Variants in CYP20A1 observed in about 807,000 individuals in gnomAD.
CYP20A1 encodes cytochrome P450 family 20 subfamily A member 1.
A neutral mutation model predicts 61.4 loss-of-function variants in CYP20A1; 61 were observed. That is an observed-to-expected ratio of 0.99 (90% confidence interval 0.81 to 1.23). CYP20A1 has a LOEUF of 1.23. Ranked by LOEUF, CYP20A1 falls within the 50% of genes most tolerant of loss-of-function variation. The probability of loss-of-function intolerance (pLI) is 0.00; values close to 1 mark genes in which losing one functional copy is unlikely to be tolerated. For synonymous variants in CYP20A1, 193 were observed against 188.2 expected (o/e 1.03, Z -0.21); for missense variants, 530 against 542.4 (o/e 0.98, Z 0.23).
In CYP20A1 at chr2:203,277,955, G is replaced by C. The variant is rs535796307; in HGVS notation, c.680-618G>C. Reference sequence around the variant, plus strand: ...AAGGTGGATGATATCAGAGAAGAAAGGCTTATGTGTTTGGAGGCCTCTAAA... The same window carrying C: ...AAGGTGGATGATATCAGAGAAGAAACGCTTATGTGTTTGGAGGCCTCTAAA... On this transcript the variant is annotated intron_variant, in intron 6 of 12. Transcript: ENST00000356079. 2.1e-3 allele frequency among the ~76,000 whole-genome samples: 321 copies of C among 152,304 alleles called. 2 individuals carry two copies. Among genetic ancestry groups the C allele is most frequent in the African/African-American group, 7.2e-3 (299 of 41,572 alleles).
At chr2:203,245,958 A>G (rs956907706) in intron 2 of CYP20A1, 63 bp downstream of exon 2, 1 of 1,137,860 alleles carries the variant, frequency 8.8e-7, no homozygotes, top group East Asian at 2.5e-5. Flanking sequence ...TCAAGACTAA[A>G]CCATATTTTT....
intron 5 of CYP20A1, among the ~76,000 whole-genome samples, chr2:203,270,152 T>C (rs546371336): frequency 6.6e-6 from 1 of 152,148 alleles, no homozygotes; most frequent in South Asian, 2.1e-4. Context: ...CCCAACTGCT[T>C]GTGAGGCTGA....
intron 4 of CYP20A1, among the ~76,000 whole-genome samples, chr2:203,265,308 C>G (rs566162298): frequency 4.6e-5 from 7 of 152,228 alleles, no homozygotes; most frequent in African/African-American, 1.7e-4. Flanking sequence ...TCTGAATGTC[C>G]TTTGGAGACA....
chr2:203,275,926 C>A (rs2067801971), intron 6 of CYP20A1, among the ~76,000 whole-genome samples: 1 of 152,032 alleles, frequency 6.6e-6, no homozygotes, highest in Admixed American at 6.6e-5. Flanking sequence ...CTGAATAGTA[C>A]ATTAAAAGGT....
rs138936502 is a variant in CYP20A1, at chr2:203,289,226, T to G, written c.972-539T>G. 1.1e-4 allele frequency among the ~76,000 whole-genome samples: 16 copies of G among 152,290 alleles called. No individual in the cohort carries two copies. The East Asian group carries it at 3.1e-3, about 29-fold the overall frequency. ...CATATGTCTTCAGGCCATTTGTAAG[T>G]TTTTGTGAATTGCTTTTTGTATTCT... On this transcript the variant is annotated intron_variant, in intron 9 of 12. Coordinates refer to ENST00000356079, the MANE Select transcript of CYP20A1 (RefSeq NM_177538.3).
chr2:203,292,746 A>G (rs2152111339), intron 11 of CYP20A1, among the ~76,000 whole-genome samples: 1 of 152,098 alleles, frequency 6.6e-6, no homozygotes, highest in Admixed American at 6.5e-5. Context: ...GGCATGAACC[A>G]CCAAGCCTGA....
intron 11 of CYP20A1, among the ~76,000 whole-genome samples, chr2:203,295,839 C>T (rs1187242439): frequency 6.6e-6 from 1 of 151,972 alleles, no homozygotes; most frequent in Non-Finnish European, 1.5e-5. Flanking sequence ...GTCCCAGCTA[C>T]TTGGGAGGCT....
intron 6 of CYP20A1, among the ~76,000 whole-genome samples, chr2:203,273,589 C>G (rs1390523836): frequency 6.6e-6 from 1 of 152,096 alleles, no homozygotes; most frequent in Non-Finnish European, 1.5e-5. Flanking sequence ...CACTTCAGCT[C>G]AGGATTTTGA....
chr2:203,253,736 A>G (rs2066787165), intron 4 of CYP20A1, among the ~76,000 whole-genome samples: 1 of 152,202 alleles, frequency 6.6e-6, no homozygotes, highest in Admixed American at 6.5e-5. Flanking sequence ...GACATTTGTA[A>G]TACATAATCA....
At chr2:203,256,226 C>A (rs1239037068) in intron 4 of CYP20A1, among the ~76,000 whole-genome samples, 6 of 152,160 alleles carry the variant, frequency 3.9e-5, no homozygotes, top group African/African-American at 1.4e-4. Context: ...ACCTTCATCT[C>A]GCAAAGTGCT....
intron 10 of CYP20A1, 147 bp from the exon 11 acceptor site, chr2:203,292,115 A>T: frequency 2.0e-6 from 1 of 497,680 alleles, no homozygotes; most frequent in Non-Finnish European, 3.5e-6. Context: ...AGATCACCAA[A>T]ATAATCACTT....
chr2:203,262,867 A>G (rs986683533), intron 4 of CYP20A1, among the ~76,000 whole-genome samples: 34 of 151,248 alleles, frequency 2.2e-4, no homozygotes, highest in African/African-American at 8.3e-4. Context: ...TTTAGTAGAG[A>G]TGGGGTTTCA....
intron 10 of CYP20A1, among the ~76,000 whole-genome samples, chr2:203,291,203 A>T (rs896928786): frequency 1.3e-4 from 19 of 151,758 alleles, no homozygotes; most frequent in Non-Finnish European, 2.6e-4. Context: ...GCTGGACTAA[A>T]TTTTTTTATT....
chr2:203,284,158 G>A (rs2068166463), intron 8 of CYP20A1, among the ~76,000 whole-genome samples: 1 of 152,062 alleles, frequency 6.6e-6, no homozygotes, highest in South Asian at 2.1e-4. Context: ...TGATTTTAAT[G>A]GTAACAATAT....
At chr2:203,294,640 G>T (rs1472560382) in intron 11 of CYP20A1, among the ~76,000 whole-genome samples, 1 of 151,752 alleles carries the variant, frequency 6.6e-6, no homozygotes, top group African/African-American at 2.4e-5. Context: ...GAAGCAACGT[G>T]TATCTTTTTT....
chr2:203,304,436 A>G lies in CYP20A1; in HGVS notation c.*7528A>G. Among the ~76,000 whole-genome samples, 1 of 152,050 alleles carries G rather than the reference A, an allele frequency of 6.6e-6. No homozygotes were observed. The highest frequency in any genetic ancestry group is 1.5e-5 in the Non-Finnish European group (1 of 68,010). The stretch of plus-strand genomic sequence containing the variant: ...ATGGTCTTGATCTCCTGACCTTGTG[A>G]TCTGTCCACCGCGGCTTCCCAAAGT... On this transcript the variant is annotated 3_prime_UTR_variant, in exon 13 of 13. Coordinates refer to ENST00000356079, the MANE Select transcript of CYP20A1 (RefSeq NM_177538.3).
chr2:203,239,247 G>A (rs540969959), intron 1 of CYP20A1, 113 bp downstream of exon 1: 3 of 889,672 alleles, frequency 3.4e-6, no homozygotes, highest in African/African-American at 3.3e-5. Flanking sequence ...TGAGAGGAGG[G>A]TTCGGGTTCG....
In CYP20A1 at chr2:203,247,019, G is replaced by C. The variant is rs1334023393; in HGVS notation, c.289+98G>C. 3 of 1,192,508 alleles carry C rather than the reference G, an allele frequency of 2.5e-6. No individual in the cohort carries two copies. In the Admixed American group the frequency reaches 6.6e-5, roughly 26 times the overall value. 73.9% of individuals were successfully genotyped at this position (1,192,508 alleles called of 1,614,324 possible). On this transcript the variant is annotated intron_variant, in intron 3 of 12. Coordinates refer to ENST00000356079, the MANE Select transcript of CYP20A1 (RefSeq NM_177538.3). ...CTCACACCTGTAATCCCAACACTTT[G>C]GGAGGCTGAGGCAGGTGGATCACAT... is the stretch of plus-strand genomic sequence containing the variant.
intron 11 of CYP20A1, among the ~76,000 whole-genome samples, chr2:203,292,539 G>A (rs538005906): frequency 2.0e-5 from 3 of 152,232 alleles, no homozygotes; most frequent in Admixed American, 2.0e-4. Flanking sequence ...TCTCACTGCA[G>A]CTTCGACCTC....
Sources: gnomAD v4.1 joint callset for allele counts (sites outside exome capture counted in the v4.1 genomes callset) on GRCh38, gnomAD v4.1.1 for gene constraint, MANE v1.5 for transcripts, NCBI Gene and HGNC (gene_info 2026-07-23, HGNC 2026-07-21) for gene names.